Variants in GALNTL6 observed in about 807,000 individuals in gnomAD.
GALNTL6 encodes the protein polypeptide N-acetylgalactosaminyltransferase-like 6.
Under a neutral mutation model 73.7 loss-of-function variants are expected in GALNTL6, and 46 were observed. The ratio of observed to expected loss-of-function variants is 0.62; its 90% CI spans 0.49 to 0.80. The LOEUF (loss-of-function observed/expected upper bound fraction) is 0.80. Ranked by LOEUF, GALNTL6 falls within the 30% of genes least tolerant of loss-of-function variation. The pLI is 0.00. For synonymous variants in GALNTL6, 259 were observed against 263.7 expected (o/e 0.98, Z 0.17); for missense variants, 604 against 755.0 (o/e 0.80, Z 2.34).
intron 8 of GALNTL6, among the ~76,000 whole-genome samples, chr4:172,906,409 C>T (rs577183081): frequency 2.0e-5 from 3 of 152,226 alleles, no homozygotes; most frequent in Admixed American, 6.5e-5. Flanking sequence ...AAAAAGAAAA[C>T]ACCTGAAGTG....
intron 3 of GALNTL6, among the ~76,000 whole-genome samples, chr4:172,287,761 GAAA>G (rs1266769932): frequency 6.6e-6 from 1 of 152,106 alleles, no homozygotes; most frequent in Non-Finnish European, 1.5e-5. Context: ...TAACTGCTTT[GAAA>G]TAATGCTTAA....
At chr4:172,109,598 C>T (rs1259656685) in intron 2 of GALNTL6, among the ~76,000 whole-genome samples, 1 of 152,186 alleles carries the variant, frequency 6.6e-6, no homozygotes, top group East Asian at 1.9e-4. Context: ...TTCCCACAGA[C>T]AAACCACTAA....
At chr4:172,345,961 T>C (rs1261777856) in intron 4 of GALNTL6, among the ~76,000 whole-genome samples, 6 of 152,214 alleles carry the variant, frequency 3.9e-5, no homozygotes, top group Admixed American at 3.9e-4. Context: ...CATTATTTGT[T>C]GGTTGATACT....
At chr4:172,280,243 C>A (rs1738995674) in intron 3 of GALNTL6, among the ~76,000 whole-genome samples, 1 of 151,978 alleles carries the variant, frequency 6.6e-6, no homozygotes, top group African/African-American at 2.4e-5. Flanking sequence ...ATGTATTTTA[C>A]CACAAGTAAT....
intron 5 of GALNTL6, among the ~76,000 whole-genome samples, chr4:172,580,567 C>A (rs1288520285): frequency 6.6e-6 from 1 of 152,108 alleles, no homozygotes; most frequent in Non-Finnish European, 1.5e-5. Flanking sequence ...GTTTTTAGTT[C>A]TGTAAGTGTG....
intron 2 of GALNTL6, among the ~76,000 whole-genome samples, chr4:172,215,012 A>G (rs1736451006): frequency 1.3e-5 from 2 of 152,064 alleles, no homozygotes; most frequent in South Asian, 4.1e-4. Context: ...TGAGGTATTT[A>G]TGGACTCATG....
chr4:171,969,067 C>G (rs1013580774), intron 2 of GALNTL6, among the ~76,000 whole-genome samples: 1 of 152,040 alleles, frequency 6.6e-6, no homozygotes. Context: ...GAACTCCTGA[C>G]CTCGTGATCT....
chr4:172,610,543 G>A (rs1693442187), intron 5 of GALNTL6, among the ~76,000 whole-genome samples: 1 of 151,990 alleles, frequency 6.6e-6, no homozygotes, highest in Non-Finnish European at 1.5e-5. Context: ...ATTGTTCTGT[G>A]GCTTGAGAGT....
chr4:172,731,115 A>ATAT (rs1357419150), intron 5 of GALNTL6, among the ~76,000 whole-genome samples: 5 of 151,342 alleles, frequency 3.3e-5, no homozygotes, highest in Non-Finnish European at 5.9e-5. Context: ...GAGTTTGAGT[A>ATAT]GGATTGATAT....
At chr4:171,879,396 C>T (rs1041476741) in intron 2 of GALNTL6, among the ~76,000 whole-genome samples, 19 of 151,978 alleles carry the variant, frequency 1.3e-4, no homozygotes, top group African/African-American at 3.6e-4. Flanking sequence ...AGAACCTGCA[C>T]GTTCTATACA....
chr4:172,122,498 T>A (rs77180836), intron 2 of GALNTL6, among the ~76,000 whole-genome samples: 2 of 152,230 alleles, frequency 1.3e-5, no homozygotes, highest in East Asian at 1.9e-4. Context: ...AGAATTCATC[T>A]GGTTTCAGCT....
intron 2 of GALNTL6, among the ~76,000 whole-genome samples, chr4:172,050,315 A>G (rs1436505938): frequency 6.6e-6 from 1 of 152,144 alleles, no homozygotes; most frequent in Non-Finnish European, 1.5e-5. Flanking sequence ...GTTTTTTAAG[A>G]GCAAGTGTAA....
intron 5 of GALNTL6, among the ~76,000 whole-genome samples, chr4:172,373,980 G>C (rs1181596260): frequency 6.6e-6 from 1 of 152,188 alleles, no homozygotes; most frequent in Non-Finnish European, 1.5e-5. Flanking sequence ...GTGATGACAT[G>C]AGCTGGCGCT....
At chr4:172,054,985 G>C (rs557540714) in intron 2 of GALNTL6, among the ~76,000 whole-genome samples, 1 of 152,210 alleles carries the variant, frequency 6.6e-6, no homozygotes, top group East Asian at 1.9e-4. Flanking sequence ...TAGGAACCAA[G>C]AGACAGCCAA....
At chr4:173,036,920 A>G (rs1478713275) in intron 12 of GALNTL6, among the ~76,000 whole-genome samples, 3 of 152,252 alleles carry the variant, frequency 2.0e-5, no homozygotes, top group Non-Finnish European at 4.4e-5. Flanking sequence ...AAAGGCTGTC[A>G]TAGAACCAAA....
intron 2 of GALNTL6, among the ~76,000 whole-genome samples, chr4:172,084,227 T>C (rs1731963220): frequency 6.6e-6 from 1 of 152,148 alleles, no homozygotes; most frequent in Admixed American, 6.5e-5. Context: ...TGGTAAAATA[T>C]ATGTGAGTGA....
At position 172,514,683 on chromosome 4, in the gene GALNTL6, C is replaced by T. The variant is rs1734539882; in HGVS notation, c.553+165994C>T. 3.9e-5 allele frequency among the ~76,000 whole-genome samples: 6 copies of T among 152,184 alleles called. No homozygotes were observed. In the South Asian group the frequency reaches 1.0e-3, roughly 26 times the overall value. On this transcript the variant is annotated intron_variant, in intron 5 of 12. Transcript: ENST00000506823. ...TTTCCTTCTTCCTGTAGTCTTTCCC[C>T]AGTTCCACTGGCAACGCTCCCCAAG...
intron 5 of GALNTL6, among the ~76,000 whole-genome samples, chr4:172,634,684 T>C (rs556778507): frequency 5.9e-5 from 9 of 152,328 alleles, no homozygotes; most frequent in African/African-American, 2.2e-4. Flanking sequence ...CACAAATTTA[T>C]TTATGTTTAA....
At chr4:172,370,564 G>C (rs1009113077) in intron 5 of GALNTL6, among the ~76,000 whole-genome samples, 1 of 144,172 alleles carries the variant, frequency 6.9e-6, no homozygotes, top group Non-Finnish European at 1.5e-5. Context: ...CCAGGAGTCA[G>C]AGCTTGCAGT....
Sources: gnomAD v4.1 joint callset for allele counts (sites outside exome capture counted in the v4.1 genomes callset) on GRCh38, gnomAD v4.1.1 for gene constraint, MANE v1.5 for transcripts, NCBI Gene and HGNC (gene_info 2026-07-23, HGNC 2026-07-21) for gene names.